Variants in RAP1GAP2 observed in about 807,000 individuals in gnomAD.
The protein encoded by RAP1GAP2 is RAP1 GTPase activating protein 2.
Under a neutral mutation model 95.0 loss-of-function variants are expected in RAP1GAP2, and 27 were observed. The observed-to-expected ratio is 0.28, with a 90% CI of 0.21 to 0.39. The LOEUF (loss-of-function observed/expected upper bound fraction) is 0.39, where lower values mean the gene tolerates loss of function less well. Ranked by LOEUF, RAP1GAP2 falls within the 10% of genes least tolerant of loss-of-function variation. The pLI is 1.00. For synonymous variants in RAP1GAP2, 373 were observed against 380.9 expected, an observed-to-expected ratio of 0.98 and a Z score of 0.24; for missense variants, 771 against 970.0, an observed-to-expected ratio of 0.79 and a Z score of 2.72.
At chr17:3,002,417 G>A (rs2046192480) in intron 14 of RAP1GAP2, among the ~76,000 whole-genome samples, 1 of 152,206 alleles carries the variant, frequency 6.6e-6, no homozygotes, top group African/African-American at 2.4e-5. Context: ...CCAGACGTGT[G>A]AATGAGGCCA....
rs140100626 is a variant in RAP1GAP2, at chr17:2,818,763, C to G, written c.80+18213C>G. Among the ~76,000 whole-genome samples, 504 of 152,308 alleles carry G rather than the reference C, an allele frequency of 3.3e-3. 4 individuals carry two copies. The highest frequency in any genetic ancestry group is 0.011 in the African/African-American group (472 of 41,566). ...AGGTGGCGTTCTGGCGCTAGATTGC[C>G]TGGGTTCAGATCTTGGCTCTGACAC... On this transcript the variant is annotated intron_variant, in intron 2 of 24. Coordinates refer to ENST00000254695, the MANE Select transcript of RAP1GAP2 (RefSeq NM_015085.5).
chr17:2,824,583 T>C (rs2070457292), intron 2 of RAP1GAP2, among the ~76,000 whole-genome samples: 1 of 149,168 alleles, frequency 6.7e-6, no homozygotes, highest in South Asian at 2.1e-4. Context: ...CTACTAAAAA[T>C]ACAAAAATTA....
At chr17:2,801,491 A>G (rs938924253) in intron 2 of RAP1GAP2, among the ~76,000 whole-genome samples, 1 of 151,642 alleles carries the variant, frequency 6.6e-6, no homozygotes, top group African/African-American at 2.4e-5. Context: ...AAAAAAAGAA[A>G]GATAATTACA....
intron 11 of RAP1GAP2, 21 bp downstream of exon 11, chr17:2,985,087 C>A: frequency 6.2e-7 from 1 of 1,613,342 alleles, no homozygotes; most frequent in Non-Finnish European, 8.5e-7. Context: ...CCATCCATAC[C>A]GGTGACTGTA....
intron 2 of RAP1GAP2, among the ~76,000 whole-genome samples, chr17:2,845,760 C>A (rs1459423723): frequency 6.6e-6 from 1 of 151,974 alleles, no homozygotes; most frequent in Non-Finnish European, 1.5e-5. Context: ...ACTCTGGAGG[C>A]TGAGGCAGGA....
intron 1 of RAP1GAP2, among the ~76,000 whole-genome samples, chr17:2,777,767 C>A (rs2068537084): frequency 6.6e-6 from 1 of 152,180 alleles, no homozygotes; most frequent in Admixed American, 6.5e-5. Context: ...ATCAGAGAAG[C>A]CTCCATGGGG....
chr17:3,012,021 G>C (rs1295910226), intron 17 of RAP1GAP2, among the ~76,000 whole-genome samples: 2 of 152,138 alleles, frequency 1.3e-5, no homozygotes, highest in African/African-American at 4.8e-5. Flanking sequence ...TGAGGCTGCT[G>C]CTCCCCCACG....
At chr17:2,808,668 A>G (rs1232855073) in intron 2 of RAP1GAP2, among the ~76,000 whole-genome samples, 1 of 152,166 alleles carries the variant, frequency 6.6e-6, no homozygotes, top group Non-Finnish European at 1.5e-5. Flanking sequence ...TGGCCACACC[A>G]CAGAACCCAC....
Position 2,998,712 on chromosome 17 carries a change from A to G in RAP1GAP2, c.1200+336A>G, listed in dbSNP as rs368593531. Among the ~76,000 whole-genome samples, 97 of 135,030 alleles carry G rather than the reference A, an allele frequency of 7.2e-4. 8 individuals carry two copies. The highest frequency in any genetic ancestry group is 2.6e-3 in the African/African-American group (89 of 34,374). The allele number at this position is 135,030 out of a possible 152,430, so 88.6% of individuals were successfully genotyped here. On this transcript the variant is annotated intron_variant, in intron 14 of 24. Transcript: ENST00000254695. ...GTGAGTGTAGTATTTGGAATTTGGT[A>G]ATGCCATTTGCTCGCTGTGAGTGTA...
rs565910097 is a variant in RAP1GAP2, at chr17:3,011,147, C to T, written c.1494+3002C>T. On this transcript the variant is annotated intron_variant, in intron 17 of 24. Coordinates refer to ENST00000254695, the MANE Select transcript of RAP1GAP2 (RefSeq NM_015085.5). ...TTCACCATGTTGGCCAGGCTGGTCT[C>T]GAACTCCTGACCTCAGGTGATCCGC... Among the ~76,000 whole-genome samples the T allele has an allele frequency of 4.6e-5, 7 of 152,184 alleles. No individual in the cohort carries two copies. In the South Asian group the frequency reaches 1.5e-3, roughly 32 times the overall value.
chr17:3,011,773 C>T (rs2046557477), intron 17 of RAP1GAP2, among the ~76,000 whole-genome samples: 1 of 152,022 alleles, frequency 6.6e-6, no homozygotes, highest in African/African-American at 2.4e-5. Context: ...GTGCCCGCCA[C>T]CACACATGGC....
chr17:2,995,541 G>A (rs1300796001), intron 13 of RAP1GAP2, 75 bp downstream of exon 13: 3 of 1,583,498 alleles, frequency 1.9e-6, no homozygotes, highest in Non-Finnish European at 2.6e-6. Flanking sequence ...GACCTGCTAA[G>A]AGGCTGTGGC....
upstream of RAP1GAP2, among the ~76,000 whole-genome samples, chr17:2,792,580 C>G (rs535019776): frequency 6.6e-5 from 10 of 152,226 alleles, no homozygotes; most frequent in African/African-American, 2.4e-4. Context: ...AGCCCTCAGT[C>G]TGGGGACGTG....
chr17:2,994,465 A>T lies in RAP1GAP2; in HGVS notation c.915-872A>T, dbSNP rs151059999. On this transcript the variant is annotated intron_variant, in intron 12 of 24. Transcript: ENST00000254695. Reference sequence around the variant, plus strand: ...CTTGCCTGTGAGGAGACAGCCAGAGAAGGGACTTCCCTGGATACTCCCAAG... The same window carrying T: ...CTTGCCTGTGAGGAGACAGCCAGAGTAGGGACTTCCCTGGATACTCCCAAG... Among the ~76,000 whole-genome samples the T allele has an allele frequency of 3.3e-3, 496 of 152,254 alleles. 2 individuals carry two copies. Among genetic ancestry groups the T allele is most frequent in the African/African-American group, 0.011 (440 of 41,544 alleles).
intron 1 of RAP1GAP2, among the ~76,000 whole-genome samples, chr17:2,769,976 G>A (rs1192620896): frequency 2.6e-5 from 4 of 151,378 alleles, no homozygotes; most frequent in Non-Finnish European, 1.5e-5. Flanking sequence ...GGGAGGCTGA[G>A]GCAGGAGAAT....
chr17:2,914,017 C>T (rs1161844916), intron 3 of RAP1GAP2, among the ~76,000 whole-genome samples: 2 of 152,032 alleles, frequency 1.3e-5, no homozygotes, highest in Admixed American at 6.6e-5. Context: ...ATTACAGGTG[C>T]CCACTACCAC....
intron 1 of RAP1GAP2, among the ~76,000 whole-genome samples, chr17:2,755,970 C>T (rs997707827): frequency 2.0e-5 from 3 of 152,098 alleles, no homozygotes; most frequent in Admixed American, 6.5e-5. Flanking sequence ...CGGGTCTCTG[C>T]GGCTCTCCAA....
At chr17:2,772,767 A>G (rs1362107293), upstream of RAP1GAP2, among the ~76,000 whole-genome samples, 1 of 152,048 alleles carries the variant, frequency 6.6e-6, no homozygotes, top group Non-Finnish European at 1.5e-5. Flanking sequence ...AGTGCTCCCA[A>G]CTACTATGCA....
intron 3 of RAP1GAP2, among the ~76,000 whole-genome samples, chr17:2,950,032 C>T (rs1427768231): frequency 7.1e-6 from 1 of 140,844 alleles, no homozygotes; most frequent in East Asian, 2.1e-4. Context: ...TCATTCAGAC[C>T]CATTTCTTTT....
Sources: gnomAD v4.1 joint callset for allele counts (sites outside exome capture counted in the v4.1 genomes callset) on GRCh38, gnomAD v4.1.1 for gene constraint, MANE v1.5 for transcripts, NCBI Gene and HGNC (gene_info 2026-07-23, HGNC 2026-07-21) for gene names.